Variants in OPCML observed in about 807,000 individuals in gnomAD.
The protein encoded by OPCML is opioid-binding protein/cell adhesion molecule.
A neutral mutation model predicts 37.8 loss-of-function variants in OPCML; 13 were observed. That is an observed-to-expected ratio of 0.34 (90% CI 0.22 to 0.55). The LOEUF is 0.55. Among genes scored for constraint, OPCML ranks in the 20% least tolerant of loss-of-function variants. OPCML has a pLI of 0.91. For missense variants in OPCML, 341 were observed against 435.6 expected (o/e 0.78, Z 1.93); for synonymous variants, 176 against 168.8 (o/e 1.04, Z -0.33).
At chr11:132,725,991 A>G (rs778144621) in intron 2 of OPCML, among the ~76,000 whole-genome samples, 125 of 152,244 alleles carry the variant, frequency 8.2e-4, no homozygotes, top group Non-Finnish European at 1.5e-3. Flanking sequence ...CCATATTGCT[A>G]TCAACATTTT....
chr11:132,993,751 A>G (rs1268932435), intron 1 of OPCML, among the ~76,000 whole-genome samples: 4 of 152,124 alleles, frequency 2.6e-5, no homozygotes, highest in Admixed American at 2.6e-4. Flanking sequence ...AAGCGCCACT[A>G]CTTATCAGTT....
intron 1 of OPCML, among the ~76,000 whole-genome samples, chr11:133,039,016 A>G (rs1047707049): frequency 6.6e-6 from 1 of 152,208 alleles, no homozygotes; most frequent in Non-Finnish European, 1.5e-5. Context: ...AGTTAGCAGT[A>G]AAGTGGCAAA....
At chr11:132,795,485 A>T (rs972356628) in intron 2 of OPCML, among the ~76,000 whole-genome samples, 1 of 152,150 alleles carries the variant, frequency 6.6e-6, no homozygotes, top group African/African-American at 2.4e-5. Context: ...GTGAAATCTC[A>T]TGCCATTGGG....
chr11:133,390,565 T>C (rs2136809412), intron 1 of OPCML, among the ~76,000 whole-genome samples: 1 of 152,266 alleles, frequency 6.6e-6, no homozygotes, highest in South Asian at 2.1e-4. Flanking sequence ...GAGAAAGGTC[T>C]TGGGGTCCAG....
chr11:133,017,798 A>T (rs1024652755), intron 1 of OPCML, among the ~76,000 whole-genome samples: 3 of 152,220 alleles, frequency 2.0e-5, no homozygotes, highest in Non-Finnish European at 4.4e-5. Context: ...GCTTGCTAGC[A>T]ATTGGAGGAA....
chr11:132,943,995 G>A lies in OPCML; in HGVS notation c.62-985C>T, dbSNP rs1466185838. Among the ~76,000 whole-genome samples, 3 of 151,970 alleles carry A rather than the reference G, an allele frequency of 2.0e-5. No individual in the cohort carries two copies. On this transcript the variant is annotated intron_variant, in intron 1 of 7. Transcript: ENST00000524381. The surrounding 1 kb of genome is among the most constrained non-coding windows in gnomAD (Gnocchi z 4.3). ...CTTTCTCCCGGTGCCGCCTCGGAGCGAGCGGGCTGGCGGGCGGCGCGGACT... is the reference window on the plus strand; with the variant it reads ...CTTTCTCCCGGTGCCGCCTCGGAGCAAGCGGGCTGGCGGGCGGCGCGGACT...
At chr11:133,237,831 G>A (rs1188855820) in intron 1 of OPCML, among the ~76,000 whole-genome samples, 1 of 152,206 alleles carries the variant, frequency 6.6e-6, no homozygotes, top group Non-Finnish European at 1.5e-5. Flanking sequence ...CCAGCCAGGT[G>A]CAGAGTTGGA....
intron 2 of OPCML, among the ~76,000 whole-genome samples, chr11:132,928,997 A>G (rs976119604): frequency 1.3e-5 from 2 of 151,882 alleles, no homozygotes; most frequent in Non-Finnish European, 2.9e-5. Flanking sequence ...CACTTACAAC[A>G]AAAAAGAAAA....
chr11:132,797,073 T>A (rs1378658526), intron 2 of OPCML, among the ~76,000 whole-genome samples: 1 of 152,212 alleles, frequency 6.6e-6, no homozygotes, highest in African/African-American at 2.4e-5. Flanking sequence ...TTCACCTTTT[T>A]AATAGTTGTC....
intron 1 of OPCML, among the ~76,000 whole-genome samples, chr11:133,251,615 G>A (rs1328188129): frequency 1.3e-5 from 2 of 152,010 alleles, no homozygotes; most frequent in Non-Finnish European, 2.9e-5. Flanking sequence ...ACCTGGAAAA[G>A]TTGTCTTAGA....
chr11:133,420,663 A>C (rs1165311197), intron 1 of OPCML: 20 of 985,304 alleles, frequency 2.0e-5, no homozygotes, highest in Non-Finnish European at 2.3e-5. Flanking sequence ...TTTTGATTCT[A>C]ATCAGGAAGT....
chr11:132,883,302 C>T (rs1591751591), intron 2 of OPCML, among the ~76,000 whole-genome samples: 1 of 151,618 alleles, frequency 6.6e-6, no homozygotes, highest in African/African-American at 2.4e-5. Context: ...GAAACAATCA[C>T]ATTAAATCAT....
intron 2 of OPCML, among the ~76,000 whole-genome samples, chr11:132,730,008 CTTTTTTTTTT>C (rs11389495): frequency 1.0e-4 from 9 of 88,472 alleles, no homozygotes; most frequent in African/African-American, 2.7e-4. Flanking sequence ...TTCTATGTGA[CTTTTTTTTTT>C]TTTTTTTTTT....
At chr11:133,531,570 G>C (rs1170609978) in intron 1 of OPCML, among the ~76,000 whole-genome samples, 1 of 152,134 alleles carries the variant, frequency 6.6e-6, no homozygotes, top group Admixed American at 6.5e-5. Flanking sequence ...TTTGGTGGAA[G>C]GATAAAGAAA....
intron 1 of OPCML, among the ~76,000 whole-genome samples, chr11:133,073,129 G>C (rs1948565653): frequency 6.6e-6 from 1 of 152,140 alleles, no homozygotes; most frequent in African/African-American, 2.4e-5. Context: ...AGGGACGGAG[G>C]GGGAAGAACA....
intron 1 of OPCML, among the ~76,000 whole-genome samples, chr11:133,060,718 C>T (rs1192533850): frequency 6.6e-6 from 1 of 152,206 alleles, no homozygotes; most frequent in East Asian, 1.9e-4. Flanking sequence ...GCTGAGAAAG[C>T]CTTAGAGCAA....
intron 2 of OPCML, among the ~76,000 whole-genome samples, chr11:132,844,174 C>A (rs569384847): frequency 1.8e-4 from 27 of 152,332 alleles, no homozygotes; most frequent in African/African-American, 5.8e-4. Context: ...TCCCCAGCCA[C>A]GTGGAACTGT....
intron 2 of OPCML, among the ~76,000 whole-genome samples, chr11:132,744,251 C>T (rs1044884074): frequency 3.3e-5 from 5 of 152,156 alleles, no homozygotes; most frequent in Non-Finnish European, 2.9e-5. Flanking sequence ...GGACTCCTGG[C>T]CCATTTTTTA....
intron 2 of OPCML, among the ~76,000 whole-genome samples, chr11:132,910,263 G>A (rs1052258672): frequency 3.0e-5 from 3 of 101,476 alleles, no homozygotes; most frequent in African/African-American, 8.5e-5. Flanking sequence ...TGGGGGTAGG[G>A]GGCCTCAGCA....
Sources: gnomAD v4.1 joint callset for allele counts (sites outside exome capture counted in the v4.1 genomes callset) on GRCh38, gnomAD v4.1.1 for gene constraint, Gnocchi (gnomAD v3.1) non-coding constraint, MANE v1.5 for transcripts, NCBI Gene and HGNC (gene_info 2026-07-23, HGNC 2026-07-21) for gene names.